Variants in PHKB observed in about 807,000 individuals in gnomAD.
PHKB encodes phosphorylase kinase regulatory subunit beta, also known as phosphorylase b kinase regulatory subunit beta.
A neutral mutation model predicts 152.1 loss-of-function variants in PHKB; 122 were observed. That is an observed-to-expected ratio of 0.80 (90% CI 0.69 to 0.93). PHKB has a LOEUF of 0.93. Ranked by LOEUF, PHKB falls within the 40% of genes least tolerant of loss-of-function variation. PHKB has a pLI of 0.00. For missense variants in PHKB, 1,304 were observed against 1,328.4 expected (o/e 0.98, Z 0.29); for synonymous variants, 436 against 464.9 (o/e 0.94, Z 0.80).
At chr16:47,559,138 C>T (rs982591829) in intron 7 of PHKB, among the ~76,000 whole-genome samples, 1 of 152,140 alleles carries the variant, frequency 6.6e-6, no homozygotes, top group Admixed American at 6.5e-5. Flanking sequence ...CCTGGGTCAT[C>T]GGGAACACAT....
At chr16:47,487,424 TA>T (rs765957597) in intron 1 of PHKB, among the ~76,000 whole-genome samples, 2,462 of 148,862 alleles carry the variant, frequency 0.017, 62 homozygotes, top group African/African-American at 0.058. Context: ...TATATATATA[TA>T]TATATTTTTT....
At position 47,645,532 on chromosome 16, in the gene PHKB, G is replaced by A. The variant is rs533430564; in HGVS notation, c.1609-3001G>A. On this transcript the variant is annotated intron_variant, in intron 16 of 30. Coordinates refer to ENST00000323584, the MANE Select transcript of PHKB (RefSeq NM_000293.3). The stretch of plus-strand genomic sequence containing the variant: ...AAAGATCAGATAGTTGTAGATATGC[G>A]GCATTATTTCTGAGGGCTCTGTTCT... Among the ~76,000 whole-genome samples, 743 of 134,208 alleles carry A rather than the reference G, an allele frequency of 5.5e-3. 4 individuals carry two copies. Among genetic ancestry groups the A allele is most frequent in the South Asian group, 0.018 (66 of 3,762 alleles). 88.0% of individuals were successfully genotyped at this position (134,208 alleles called of 152,430 possible).
At chr16:47,634,247 C>A (rs1390061664) in intron 14 of PHKB, among the ~76,000 whole-genome samples, 1 of 152,176 alleles carries the variant, frequency 6.6e-6, no homozygotes, top group African/African-American at 2.4e-5. Context: ...CATTGTGTAA[C>A]AGATCAAAGT....
chr16:47,558,690 A>G (rs1971425053), intron 7 of PHKB, among the ~76,000 whole-genome samples: 1 of 152,184 alleles, frequency 6.6e-6, no homozygotes, highest in African/African-American at 2.4e-5. Context: ...CTGGGATTAC[A>G]GGCATGTGCT....
chr16:47,520,672 C>A (rs541670070), intron 6 of PHKB, among the ~76,000 whole-genome samples: 3 of 152,288 alleles, frequency 2.0e-5, no homozygotes, highest in Non-Finnish European at 4.4e-5. Flanking sequence ...TGCATCCTTG[C>A]ATGGATTATA....
intron 6 of PHKB, among the ~76,000 whole-genome samples, chr16:47,538,169 G>A (rs1353168550): frequency 6.6e-6 from 1 of 152,120 alleles, no homozygotes; most frequent in African/African-American, 2.4e-5. Context: ...TGCTAGGATT[G>A]TAGGCATGAG....
At chr16:47,502,323 G>A (rs1012289668) in intron 3 of PHKB, among the ~76,000 whole-genome samples, 4 of 152,090 alleles carry the variant, frequency 2.6e-5, no homozygotes, top group Admixed American at 6.6e-5. Flanking sequence ...TTTGGTTAAG[G>A]TATTTAGGTT....
intron 26 of PHKB, among the ~76,000 whole-genome samples, chr16:47,669,882 G>A (rs1381120834): frequency 2.0e-5 from 3 of 152,136 alleles, no homozygotes; most frequent in African/African-American, 4.8e-5. Flanking sequence ...GTTGTTCTTG[G>A]AGAAGAAATC....
chr16:47,616,150 G>C (rs1214293103), intron 14 of PHKB, among the ~76,000 whole-genome samples: 1 of 152,010 alleles, frequency 6.6e-6, no homozygotes, highest in Non-Finnish European at 1.5e-5. Context: ...GGTGTCATTT[G>C]AAGCACGGAA....
chr16:47,533,129 A>C (rs1201266932), intron 6 of PHKB, among the ~76,000 whole-genome samples: 3 of 152,068 alleles, frequency 2.0e-5, no homozygotes. Flanking sequence ...TCCTCTCTGC[A>C]CCTGGTTGTC....
At position 47,693,441 on chromosome 16, in the gene PHKB, C is replaced by G. The variant is rs1555500428; in HGVS notation, c.2829C>G (p.Asp943Glu). ...ATAGAACTCCCACCGGGTTCTATGA[C>G]CGAGTGTGGCAGATTCTGGAGCGCA... ...SLNRTPTGFY[D>E]RVWQILERTP... The change falls in exon 28 of 31, where the codon GAC becomes GAG. Residue 943 changes from aspartate to glutamate, a missense_variant. By Grantham distance (45) the Asp-to-Glu change is conservative. Coordinates refer to ENST00000323584, the MANE Select transcript of PHKB (RefSeq NM_000293.3). The G allele has an allele frequency of 4.3e-6, 7 of 1,613,974 alleles. No homozygotes were observed. The highest frequency in any genetic ancestry group is 1.1e-5 in the South Asian group (1 of 91,072).
At chr16:47,506,259 C>G (rs1410960683) in intron 4 of PHKB, among the ~76,000 whole-genome samples, 1 of 150,848 alleles carries the variant, frequency 6.6e-6, no homozygotes, top group African/African-American at 2.4e-5. Context: ...GCCTGTAATT[C>G]AAGTCAAAAT....
At chr16:47,540,054 A>G (rs1971025665) in intron 6 of PHKB, among the ~76,000 whole-genome samples, 1 of 152,230 alleles carries the variant, frequency 6.6e-6, no homozygotes, top group African/African-American at 2.4e-5. Context: ...ACGTGCAAGT[A>G]GGAGAGATAT....
At chr16:47,616,167 A>G (rs1972510567) in intron 14 of PHKB, among the ~76,000 whole-genome samples, 1 of 152,056 alleles carries the variant, frequency 6.6e-6, no homozygotes, top group Non-Finnish European at 1.5e-5. Flanking sequence ...GGAAGTTTCT[A>G]ATTTTGAAGA....
Position 47,598,927 on chromosome 16 carries a change from A to G in PHKB, c.1363+2396A>G, listed in dbSNP as rs560544492. 2.4e-5 allele frequency: 38 copies of G among 1,577,514 alleles called. No individual in the cohort carries two copies. In the African/African-American group the frequency reaches 4.2e-4, roughly 17 times the overall value. On this transcript the variant is annotated intron_variant, in intron 13 of 30. Transcript: ENST00000323584. ...AACGTCAAGAATCTTTGTGTACAAT[A>G]TTCTTAGCCTCTCATGTGGAGTATT...
chr16:47,698,561 G>C lies in PHKB; in HGVS notation c.3117G>C (p.Gln1039His). The change falls in exon 30 of 31, where the codon CAG becomes CAC. Residue 1039 changes from glutamine to histidine, a missense_variant. Gln to His is a conservative substitution (Grantham distance 24, BLOSUM62 0). Transcript: ENST00000323584. ...CATTTAATGAATTTCAAAAAGATCA[G>C]AGTCGGCTAAAGGAAATTGAAAAAC... ...KEAFNEFQKD[Q>H]SRLKEIEKQD... The C allele has an allele frequency of 1.3e-6, 2 of 1,548,544 alleles. No individual in the cohort carries two copies. Among genetic ancestry groups the C allele is most frequent in the Non-Finnish European group, 1.8e-6 (2 of 1,132,320 alleles).
chr16:47,678,638 T>G (rs1973783766), intron 26 of PHKB, among the ~76,000 whole-genome samples: 1 of 152,034 alleles, frequency 6.6e-6, no homozygotes, highest in African/African-American at 2.4e-5. Flanking sequence ...TCTTGTAAAT[T>G]TGTTTGAGTT....
chr16:47,589,782 G>T (rs1334866891), intron 10 of PHKB, among the ~76,000 whole-genome samples: 3 of 152,060 alleles, frequency 2.0e-5, no homozygotes, highest in African/African-American at 7.2e-5. Context: ...AGGTATTTTG[G>T]TTTTTTGTTT....
chr16:47,670,981 G>A (rs577851982), intron 26 of PHKB, among the ~76,000 whole-genome samples: 1 of 151,828 alleles, frequency 6.6e-6, no homozygotes, highest in Non-Finnish European at 1.5e-5. Context: ...CATCTGGTCC[G>A]TCTTACTTCA....
Sources: allele counts gnomAD v4.1 joint callset (sites outside exome capture counted in the v4.1 genomes callset), GRCh38; gene constraint gnomAD v4.1.1; transcripts MANE v1.5; gene names NCBI Gene and HGNC (gene_info 2026-07-23, HGNC 2026-07-21).